The following CHRM2 variants were observed in gnomAD, a reference collection of about 807,000 sequenced individuals.
The protein encoded by CHRM2 is muscarinic acetylcholine receptor M2.
A neutral mutation model predicts 25.0 loss-of-function variants in CHRM2; 8 were observed. That is an observed-to-expected ratio of 0.32 (90% CI 0.19 to 0.58). The LOEUF (loss-of-function observed/expected upper bound fraction) is 0.58. CHRM2 is among the 20% of genes least tolerant of loss of function. CHRM2 has a pLI of 0.88. For synonymous variants in CHRM2, 202 were observed against 205.7 expected (o/e 0.98, Z 0.15); for missense variants, 440 against 567.1 (o/e 0.78, Z 2.28).
At chr7:136,875,686 A>G (rs965669159) in intron 2 of CHRM2, among the ~76,000 whole-genome samples, 1 of 152,142 alleles carries the variant, frequency 6.6e-6, no homozygotes, top group Non-Finnish European at 1.5e-5. Flanking sequence ...GTGTTTCTCA[A>G]CAGTCTAGGA....
chr7:136,938,358 G>C (rs1244772686), intron 2 of CHRM2: 3 of 1,582,406 alleles, frequency 1.9e-6, no homozygotes, highest in Non-Finnish European at 2.6e-6. Flanking sequence ...GCTGCAGGAG[G>C]CTCCACTTGG....
chr7:136,898,511 ATGTGTG>A (rs3068413), intron 2 of CHRM2, among the ~76,000 whole-genome samples: 3 of 150,200 alleles, frequency 2.0e-5, no homozygotes, highest in Non-Finnish European at 4.5e-5. Context: ...GTGTGTTTGC[ATGTGTG>A]TGTGTGTGTG....
intron 2 of CHRM2, among the ~76,000 whole-genome samples, chr7:136,897,797 A>G (rs894107222): frequency 5.9e-5 from 9 of 152,012 alleles, no homozygotes; most frequent in Admixed American, 1.3e-4. Flanking sequence ...AAGTCTAATC[A>G]TTATTTCTTT....
chr7:136,985,727 C>A (rs2130995563), intron 2 of CHRM2, among the ~76,000 whole-genome samples: 1 of 152,204 alleles, frequency 6.6e-6, no homozygotes, highest in East Asian at 1.9e-4. Flanking sequence ...GTTACTTGAG[C>A]ATTTCCTTAA....
At chr7:136,947,256 G>A (rs1424543) in intron 2 of CHRM2, among the ~76,000 whole-genome samples, 1 of 151,738 alleles carries the variant, frequency 6.6e-6, no homozygotes. Context: ...AGCAGAGAAA[G>A]GAAAAACATT....
chr7:136,975,971 G>A (rs190918368), intron 2 of CHRM2, among the ~76,000 whole-genome samples: 1 of 152,254 alleles, frequency 6.6e-6, no homozygotes, highest in Non-Finnish European at 1.5e-5. Context: ...GTCAGTGGGT[G>A]ACACAGTGCT....
intron 2 of CHRM2, among the ~76,000 whole-genome samples, chr7:136,897,438 A>G (rs192303055): frequency 6.6e-6 from 1 of 152,266 alleles, no homozygotes; most frequent in Admixed American, 6.5e-5. Context: ...TCCCATCACA[A>G]TAGTTCTCAT....
At chr7:136,908,532 C>T (rs894889594) in intron 2 of CHRM2, among the ~76,000 whole-genome samples, 7 of 151,832 alleles carry the variant, frequency 4.6e-5, no homozygotes, top group Non-Finnish European at 8.8e-5. Context: ...AAACTGAAGC[C>T]GTTGGCTGAC....
chr7:136,906,170 T>C (rs1563057660), intron 2 of CHRM2, among the ~76,000 whole-genome samples: 1 of 150,714 alleles, frequency 6.6e-6, no homozygotes, highest in African/African-American at 2.4e-5. Flanking sequence ...ACATATATAC[T>C]CACATATGGT....
In CHRM2 at chr7:137,002,592, T is replaced by C. The variant is rs538693415; in HGVS notation, c.-47+10328T>C. On this transcript the variant is annotated intron_variant, in intron 3 of 3. Transcript: ENST00000680005. ...TAGGAAGAGGATTAGTCACTAAGTT[T>C]TAAATTGACATTTCTTGAAGTATAG... is the stretch of plus-strand genomic sequence containing the variant. Among the ~76,000 whole-genome samples the C allele has an allele frequency of 1.7e-3, 260 of 152,328 alleles. 1 individual carries two copies. Among genetic ancestry groups the C allele is most frequent in the African/African-American group, 5.2e-3 (218 of 41,594 alleles).
At chr7:136,962,970 A>T (rs942740805) in intron 2 of CHRM2, among the ~76,000 whole-genome samples, 1 of 152,240 alleles carries the variant, frequency 6.6e-6, no homozygotes, top group Admixed American at 6.5e-5. Context: ...TTAATAATTG[A>T]AATTGCAATA....
intron 3 of CHRM2, among the ~76,000 whole-genome samples, chr7:137,006,829 G>A (rs975851650): frequency 3.0e-4 from 46 of 151,940 alleles, no homozygotes; most frequent in African/African-American, 1.0e-3. Flanking sequence ...TCCTAAAGAT[G>A]GACAACTTAT....
intron 2 of CHRM2, among the ~76,000 whole-genome samples, chr7:136,932,208 A>T (rs1477502938): frequency 6.6e-6 from 1 of 152,248 alleles, no homozygotes; most frequent in African/African-American, 2.4e-5. Flanking sequence ...TTACATAAAT[A>T]AAACGGACAA....
chr7:136,980,467 C>A (rs551017053), intron 2 of CHRM2, among the ~76,000 whole-genome samples: 1 of 152,206 alleles, frequency 6.6e-6, no homozygotes, highest in Admixed American at 6.5e-5. Flanking sequence ...CTGGTCAGAA[C>A]TTCCAATACT....
intron 2 of CHRM2, among the ~76,000 whole-genome samples, chr7:136,907,473 C>A (rs138845053): frequency 5.3e-5 from 8 of 152,034 alleles, no homozygotes; most frequent in Admixed American, 2.6e-4. Context: ...CACTTTCTCA[C>A]TCAGATTATC....
chr7:137,003,333 T>C (rs1400572757), intron 3 of CHRM2, among the ~76,000 whole-genome samples: 5 of 152,174 alleles, frequency 3.3e-5, no homozygotes, highest in African/African-American at 1.2e-4. Context: ...CAGCATGTTG[T>C]CACATTCCAC....
At chr7:136,937,066 T>C (rs985181298) in intron 2 of CHRM2, among the ~76,000 whole-genome samples, 1 of 152,214 alleles carries the variant, frequency 6.6e-6, no homozygotes, top group Non-Finnish European at 1.5e-5. Flanking sequence ...CATTACATGC[T>C]GAATACTAAT....
In CHRM2 at chr7:136,887,263, T is replaced by C. The variant is rs545804344; in HGVS notation, c.-125+17845T>C. On this transcript the variant is annotated intron_variant, in intron 2 of 3. Transcript: ENST00000680005. Reference sequence around the variant, plus strand: ...TAAATATACACAATAAAATGTATTTTAAAAATGCTTTGCTTAAAAAACCTT... The same window carrying C: ...TAAATATACACAATAAAATGTATTTCAAAAATGCTTTGCTTAAAAAACCTT... Among the ~76,000 whole-genome samples, 141 of 152,204 alleles carry C rather than the reference T, an allele frequency of 9.3e-4. 1 individual carries two copies. Among genetic ancestry groups the C allele is most frequent in the African/African-American group, 3.2e-3 (133 of 41,528 alleles).
Position 137,017,468 on chromosome 7 carries a change from G to A in CHRM2, c.*1202G>A, listed in dbSNP as rs953784274. ...TTTCTGGGCCAGTCCCTAGAGAATAGAACCTTCTATCCAATGCCTGCTAAA... is the reference window on the plus strand; with the variant it reads ...TTTCTGGGCCAGTCCCTAGAGAATAAAACCTTCTATCCAATGCCTGCTAAA... On this transcript the variant is annotated 3_prime_UTR_variant, in exon 4 of 4. Transcript: ENST00000680005. 17 of 151,920 alleles carry A rather than the reference G, an allele frequency of 1.1e-4. No homozygotes were observed. The highest frequency in any genetic ancestry group is 3.9e-4 in the African/African-American group (16 of 41,410). The allele number at this position is 151,920 out of a possible 1,614,324, so 9.4% of individuals were successfully genotyped here. A position where few individuals can be genotyped will look rare whatever the true frequency, so the allele number is the denominator to read the frequency against.
Sources: gnomAD v4.1 joint callset for allele counts (sites outside exome capture counted in the v4.1 genomes callset) on GRCh38, gnomAD v4.1.1 for gene constraint, MANE v1.5 for transcripts, NCBI Gene and HGNC (gene_info 2026-07-23, HGNC 2026-07-21) for gene names.